Variants in PTPRT observed in about 807,000 individuals in gnomAD.
PTPRT encodes receptor-type tyrosine-protein phosphatase T.
PTPRT carries 56 observed loss-of-function variants against 176.8 expected under a neutral mutation model. The observed-to-expected ratio is 0.32, with a 90% CI of 0.26 to 0.40. The LOEUF is 0.40. Ranked by LOEUF, PTPRT falls within the 10% of genes least tolerant of loss-of-function variation. The pLI is 1.00. For missense variants in PTPRT, 1,540 were observed against 1,908.2 expected, an observed-to-expected ratio of 0.81 and a Z score of 3.60; for synonymous variants, 783 against 739.0, an observed-to-expected ratio of 1.06 and a Z score of -0.96.
chr20:42,759,672 C>T (rs1249531862), intron 5 of PTPRT, among the ~76,000 whole-genome samples: 1 of 152,238 alleles, frequency 6.6e-6, no homozygotes. Context: ...TACCACTTGG[C>T]TTCTCGGAAA....
chr20:42,977,512 A>G (rs1307355557), intron 1 of PTPRT, among the ~76,000 whole-genome samples: 4 of 152,188 alleles, frequency 2.6e-5, no homozygotes, highest in African/African-American at 7.2e-5. Flanking sequence ...AAGATTCTCT[A>G]AAGAAAAAAA....
rs941887450 is a variant in PTPRT at position 42,074,445 on chromosome 20, C to T, written c.*6434G>A. On this transcript the variant is annotated 3_prime_UTR_variant, in exon 31 of 31. Transcript: ENST00000373187. Reference sequence around the variant, plus strand: ...TGAGCTCCAGGCTTTTATACTGATACTTTTCTGTCCAACACTTCAAGGCCA... The same window carrying T: ...TGAGCTCCAGGCTTTTATACTGATATTTTTCTGTCCAACACTTCAAGGCCA... 3.6e-6 allele frequency: 1 copy of T among 275,776 alleles called. No individual in the cohort carries two copies. The highest frequency in any genetic ancestry group is 2.1e-5 in the African/African-American group (1 of 46,620). 17.1% of individuals were successfully genotyped at this position (275,776 alleles called of 1,614,324 possible). A position where few individuals can be genotyped will look rare whatever the true frequency, so the allele number is the denominator to read the frequency against.
intron 11 of PTPRT, among the ~76,000 whole-genome samples, chr20:42,346,248 G>A (rs546447375): frequency 6.6e-6 from 1 of 152,250 alleles, no homozygotes; most frequent in African/African-American, 2.4e-5. Context: ...AGGGATCAGG[G>A]GACGGTCTGT....
At chr20:42,456,908 CT>C (rs2070935408) in intron 8 of PTPRT, among the ~76,000 whole-genome samples, 1 of 152,146 alleles carries the variant, frequency 6.6e-6, no homozygotes, top group African/African-American at 2.4e-5. Flanking sequence ...ACTGATTGCA[CT>C]TGTGAAGTCA....
intron 7 of PTPRT, among the ~76,000 whole-genome samples, chr20:42,632,120 C>A (rs1340234199): frequency 6.6e-6 from 1 of 152,164 alleles, no homozygotes; most frequent in African/African-American, 2.4e-5. Context: ...AGGTGAGCTT[C>A]CTTGTTGGCA....
At chr20:42,257,038 G>A (rs949793559) in intron 13 of PTPRT, among the ~76,000 whole-genome samples, 1 of 152,170 alleles carries the variant, frequency 6.6e-6, no homozygotes, top group Non-Finnish European at 1.5e-5. Context: ...TCCCATGCAG[G>A]GGTCACCTAC....
At chr20:42,810,697 T>C (rs1459044913) in intron 2 of PTPRT, among the ~76,000 whole-genome samples, 1 of 152,228 alleles carries the variant, frequency 6.6e-6, no homozygotes, top group African/African-American at 2.4e-5. Context: ...TACAATACTG[T>C]GGGCATCAGA....
At chr20:42,419,497 A>G (rs2059096449) in intron 9 of PTPRT, among the ~76,000 whole-genome samples, 1 of 151,832 alleles carries the variant, frequency 6.6e-6, no homozygotes, top group Non-Finnish European at 1.5e-5. Flanking sequence ...TTGCCTCACA[A>G]CTCTAAGACT....
intron 9 of PTPRT, among the ~76,000 whole-genome samples, chr20:42,440,756 C>T (rs1274343331): frequency 2.0e-5 from 3 of 152,260 alleles, no homozygotes; most frequent in Middle Eastern, 3.4e-3. Context: ...GGATTACAGG[C>T]GTGAGCCACC....
intron 18 of PTPRT, among the ~76,000 whole-genome samples, chr20:42,135,512 C>T (rs1224702806): frequency 4.6e-5 from 7 of 152,150 alleles, no homozygotes; most frequent in Non-Finnish European, 8.8e-5. Context: ...TTCTGATACA[C>T]GTTCAGGTTT....
At chr20:42,268,178 C>T (rs2056871205) in intron 13 of PTPRT, among the ~76,000 whole-genome samples, 1 of 152,128 alleles carries the variant, frequency 6.6e-6, no homozygotes, top group African/African-American at 2.4e-5. Flanking sequence ...AGGGGACGAA[C>T]ATTAACAAAA....
chr20:43,038,746 A>G (rs1421874944), intron 1 of PTPRT, among the ~76,000 whole-genome samples: 4 of 152,224 alleles, frequency 2.6e-5, no homozygotes, highest in African/African-American at 9.6e-5. Context: ...GATTTTTAGT[A>G]TAGGAGCCAG....
At chr20:42,044,580 G>T in the PTPRT span, among the ~76,000 whole-genome samples, 1 of 152,184 alleles carries the variant, frequency 6.6e-6, no homozygotes, top group African/African-American at 2.4e-5. Context: ...GGAGGAGGCA[G>T]GAAACCTTAT....
chr20:42,350,702 G>A lies in PTPRT; in HGVS notation c.1791C>T (p.Asp597=), dbSNP rs2058270366. ...TCGTGTCTGTCTCATTCAATGGGGT[G>A]TCTGTGTCGTACTCAGGCATGGATG... The part of the protein sequence containing the change: ...SAPSMPEYDT[D]TPLNETDTTI... Residue 597 remains aspartate (D), a synonymous_variant, in exon 11 of 31, where the codon GAC becomes GAT. Coordinates refer to ENST00000373187, the MANE Select transcript of PTPRT (RefSeq NM_007050.6). The A allele has an allele frequency of 1.4e-5, 22 of 1,613,590 alleles. No individual in the cohort carries two copies. Among genetic ancestry groups the A allele is most frequent in the Non-Finnish European group, 1.8e-5 (21 of 1,179,514 alleles).
chr20:42,630,744 A>C (rs1480268246), intron 7 of PTPRT, among the ~76,000 whole-genome samples: 1 of 152,206 alleles, frequency 6.6e-6, no homozygotes, highest in Non-Finnish European at 1.5e-5. Context: ...ATGGAAACAA[A>C]GGGTTATTAG....
chr20:42,197,858 T>G (rs755828327), intron 16 of PTPRT, among the ~76,000 whole-genome samples: 2 of 152,204 alleles, frequency 1.3e-5, no homozygotes, highest in Non-Finnish European at 2.9e-5. Flanking sequence ...TGCTGTCTTC[T>G]CAACATTTTT....
intron 1 of PTPRT, among the ~76,000 whole-genome samples, chr20:43,018,113 G>A (rs767440905): frequency 6.6e-6 from 1 of 152,148 alleles, no homozygotes; most frequent in Admixed American, 6.5e-5. Context: ...ATTTGCCCAC[G>A]GGCTCACAGC....
chr20:42,893,491 C>A (rs2079232378), intron 1 of PTPRT, among the ~76,000 whole-genome samples: 1 of 151,320 alleles, frequency 6.6e-6, no homozygotes, highest in Non-Finnish European at 1.5e-5. Flanking sequence ...TACCATTTGA[C>A]CCAGCCATCC....
Position 43,127,578 on chromosome 20 carries a change from C to T in PTPRT, c.88+62068G>A, listed in dbSNP as rs201208431. Among the ~76,000 whole-genome samples the T allele has an allele frequency of 2.0e-4, 31 of 152,276 alleles. 1 individual carries two copies. The East Asian group carries it at 5.6e-3, about 27-fold the overall frequency. ...TCCTCTAGCCATGTTCCTGCAGCCA[C>T]AAACACCAGCCAGAAAAGGAGATGC... On this transcript the variant is annotated intron_variant, in intron 1 of 30. Transcript: ENST00000373187.
Sources: allele counts gnomAD v4.1 joint callset (sites outside exome capture counted in the v4.1 genomes callset), GRCh38; gene constraint gnomAD v4.1.1; transcripts MANE v1.5; gene names NCBI Gene and HGNC (gene_info 2026-07-23, HGNC 2026-07-21).